GRIA1: variants seen among roughly 807,000 people sequenced by gnomAD.
GRIA1 encodes the protein glutamate receptor 1.
GRIA1 carries 31 observed loss-of-function variants against 99.2 expected under a neutral mutation model. That is an observed-to-expected ratio of 0.31 (90% CI 0.23 to 0.42). The LOEUF (loss-of-function observed/expected upper bound fraction) is 0.42. Among genes scored for constraint, GRIA1 ranks in the 10% least tolerant of loss-of-function variants. The pLI is 1.00. For synonymous variants in GRIA1, 438 were observed against 432.4 expected, an observed-to-expected ratio of 1.01 and a Z score of -0.16; for missense variants, 782 against 1,157.5, an observed-to-expected ratio of 0.68 and a Z score of 4.71.
rs1759546029 is a variant in GRIA1, at chr5:153,714,703, T to C, written c.1823+8636T>C. On this transcript the variant is annotated intron_variant, in intron 11 of 15. Coordinates refer to ENST00000285900, the MANE Select transcript of GRIA1 (RefSeq NM_000827.4). ...TAACTAATTGAATTGACGAGGAAAGTATGCTGAAACCCCTATGGGGAGCCT... is the reference window on the plus strand; with the variant it reads ...TAACTAATTGAATTGACGAGGAAAGCATGCTGAAACCCCTATGGGGAGCCT... Among the ~76,000 whole-genome samples, 4 of 152,372 alleles carry C rather than the reference T, an allele frequency of 2.6e-5. No individual in the cohort carries two copies. The South Asian group carries it at 8.3e-4, about 32-fold the overall frequency.
chr5:153,654,985 T>C (rs1754836139), intron 4 of GRIA1, among the ~76,000 whole-genome samples: 1 of 152,204 alleles, frequency 6.6e-6, no homozygotes, highest in Admixed American at 6.5e-5. Context: ...TGATTAGGGA[T>C]AGTCTGCATT....
intron 2 of GRIA1, among the ~76,000 whole-genome samples, chr5:153,627,605 G>A (rs1767758145): frequency 6.6e-6 from 1 of 152,174 alleles, no homozygotes; most frequent in Non-Finnish European, 1.5e-5. Flanking sequence ...TCTGTAAAGT[G>A]AATTCTAATG....
chr5:153,669,344 T>C (rs1254257166), intron 5 of GRIA1, among the ~76,000 whole-genome samples: 1 of 152,226 alleles, frequency 6.6e-6, no homozygotes, highest in Admixed American at 6.5e-5. Flanking sequence ...GGGGCATTTT[T>C]AGCCATTATT....
At chr5:153,580,673 A>G (rs1040677454) in intron 2 of GRIA1, among the ~76,000 whole-genome samples, 1 of 152,188 alleles carries the variant, frequency 6.6e-6, no homozygotes, top group Non-Finnish European at 1.5e-5. Flanking sequence ...CAGGATGTTC[A>G]TCTCATTAAT....
At chr5:153,674,779 G>A in intron 6 of GRIA1, 118 bp downstream of exon 6, 1 of 1,071,038 alleles carries the variant, frequency 9.3e-7, no homozygotes, top group South Asian at 1.6e-5. Flanking sequence ...CAAATTCAGG[G>A]AAATATATTT....
intron 15 of GRIA1, among the ~76,000 whole-genome samples, chr5:153,808,380 C>T (rs190690393): frequency 9.4e-4 from 142 of 151,042 alleles, no homozygotes; most frequent in Middle Eastern, 3.4e-3. Flanking sequence ...AGTTTAGCCA[C>T]GACGGGGGGC....
intron 11 of GRIA1, among the ~76,000 whole-genome samples, chr5:153,720,648 C>A (rs1759990878): frequency 6.6e-6 from 1 of 152,146 alleles, no homozygotes; most frequent in East Asian, 1.9e-4. Flanking sequence ...GTGTGTATTT[C>A]TTTATCAAGG....
At chr5:153,659,728 A>C (rs1310801959) in intron 5 of GRIA1, among the ~76,000 whole-genome samples, 2 of 152,210 alleles carry the variant, frequency 1.3e-5, no homozygotes, top group East Asian at 3.9e-4. Context: ...GTAAATGGTC[A>C]GATTGTTATA....
At chr5:153,700,091 A>G (rs2149514395) in intron 10 of GRIA1, among the ~76,000 whole-genome samples, 1 of 152,276 alleles carries the variant, frequency 6.6e-6, no homozygotes, top group Middle Eastern at 3.4e-3. Context: ...ACCATATTTA[A>G]ACAGACCGAG....
At chr5:153,751,848 A>G (rs1222932598) in intron 11 of GRIA1, among the ~76,000 whole-genome samples, 2 of 152,204 alleles carry the variant, frequency 1.3e-5, no homozygotes, top group Non-Finnish European at 1.5e-5. Context: ...ATCCTTTGCA[A>G]AAAGAGACAG....
chr5:153,675,290 G>T (rs1344992581), intron 6 of GRIA1, among the ~76,000 whole-genome samples: 1 of 151,890 alleles, frequency 6.6e-6, no homozygotes, highest in African/African-American at 2.4e-5. Flanking sequence ...CCCTTATTCT[G>T]CTCAGCCATG....
intron 15 of GRIA1, among the ~76,000 whole-genome samples, chr5:153,804,500 A>G (rs1370774677): frequency 1.3e-5 from 2 of 152,278 alleles, no homozygotes; most frequent in African/African-American, 4.8e-5. Flanking sequence ...CCATCCCTCA[A>G]AACCTTCTCT....
At chr5:153,538,031 A>G (rs1181225372) in intron 2 of GRIA1, among the ~76,000 whole-genome samples, 1 of 152,198 alleles carries the variant, frequency 6.6e-6, no homozygotes, top group Non-Finnish European at 1.5e-5. Flanking sequence ...CTGGGCTGGA[A>G]TCTGAGAAAC....
rs1366984392 is a variant in GRIA1 at position 153,647,096 on chromosome 5, A to T, written c.389A>T (p.Gln130Leu). The change falls in exon 3 of 16, where the codon CAG (glutamine) becomes CTG (leucine). Residue 130 changes from glutamine to leucine, a missense_variant. Physicochemically the swap from Gln to Leu is moderately radical, Grantham distance 113 (BLOSUM62 -2). Transcript: ENST00000285900. ...GTCCTTCAGCTGCGCCCTGAACTGCAGGATGCCCTCATCAGCATCATTGAC... is the reference window on the plus strand; with the variant it reads ...GTCCTTCAGCTGCGCCCTGAACTGCTGGATGCCCTCATCAGCATCATTGAC... ...QFVLQLRPEL[Q>L]DALISIIDHY... 2.5e-6 allele frequency: 4 copies of T among 1,613,922 alleles called. No individual in the cohort carries two copies. Among genetic ancestry groups the T allele is most frequent in the Non-Finnish European group, 3.4e-6 (4 of 1,179,906 alleles).
rs780368126 is a variant in GRIA1, at chr5:153,699,093, G to A, written c.1452+20G>A. 2 of 1,549,046 alleles carry A rather than the reference G, an allele frequency of 1.3e-6. No homozygotes were observed. Among genetic ancestry groups the A allele is most frequent in the Non-Finnish European group, 1.8e-6 (2 of 1,121,920 alleles). On this transcript the variant is annotated intron_variant, in intron 10 of 15. Coordinates refer to ENST00000285900, the MANE Select transcript of GRIA1 (RefSeq NM_000827.4). ...TATGGAGTAAGTTCACTGCAGGGTG[G>A]GAAATTAGAGGGCGGAGGCAGAGGG...
intron 11 of GRIA1, among the ~76,000 whole-genome samples, chr5:153,732,550 T>C (rs1761110857): frequency 6.6e-6 from 1 of 152,106 alleles, no homozygotes; most frequent in South Asian, 2.1e-4. Flanking sequence ...TTCAGTTTCT[T>C]GTCCATTTTT....
At chr5:153,708,087 AC>A (rs1759045847) in intron 11 of GRIA1, among the ~76,000 whole-genome samples, 1 of 152,086 alleles carries the variant, frequency 6.6e-6, no homozygotes, top group Admixed American at 6.6e-5. Flanking sequence ...TTTTCACAGA[AC>A]CTTTATGCTG....
Position 153,755,944 on chromosome 5 carries a change from C to T in GRIA1, c.1824-8490C>T, listed in dbSNP as rs114750607. Reference sequence around the variant, plus strand: ...CAACTTTGTTCCTCAAAGGGCTTGGCTTCAGCCCTATTTGGCTTTGAGCCT... The same window carrying T: ...CAACTTTGTTCCTCAAAGGGCTTGGTTTCAGCCCTATTTGGCTTTGAGCCT... On this transcript the variant is annotated intron_variant, in intron 11 of 15. Coordinates refer to ENST00000285900, the MANE Select transcript of GRIA1 (RefSeq NM_000827.4). 6.5e-3 allele frequency among the ~76,000 whole-genome samples: 993 copies of T among 152,350 alleles called. 15 individuals are homozygous for T. Among genetic ancestry groups the T allele is most frequent in the African/African-American group, 0.023 (945 of 41,578 alleles).
intron 2 of GRIA1, among the ~76,000 whole-genome samples, chr5:153,563,775 A>T (rs1454228959): frequency 6.6e-6 from 1 of 152,154 alleles, no homozygotes; most frequent in African/African-American, 2.4e-5. Flanking sequence ...CTTCCCCTTC[A>T]AGGGAAACAA....
Sources: allele counts gnomAD v4.1 joint callset (sites outside exome capture counted in the v4.1 genomes callset), GRCh38; gene constraint gnomAD v4.1.1; transcripts MANE v1.5; gene names NCBI Gene and HGNC (gene_info 2026-07-23, HGNC 2026-07-21).